Variants in ADAM9 observed in about 807,000 individuals in gnomAD.
ADAM9 encodes the protein disintegrin and metalloproteinase domain-containing protein 9.
A neutral mutation model predicts 108.1 loss-of-function variants in ADAM9; 54 were observed. The ratio of observed to expected loss-of-function variants is 0.50; its 90% CI spans 0.40 to 0.63. The LOEUF is 0.63. Ranked by LOEUF, ADAM9 falls within the 20% of genes least tolerant of loss-of-function variation. The probability of loss-of-function intolerance (pLI) is 0.00; values close to 1 mark genes in which losing one functional copy is unlikely to be tolerated. For missense variants in ADAM9, 830 were observed against 997.7 expected (o/e 0.83, Z 2.26); for synonymous variants, 316 against 336.0 (o/e 0.94, Z 0.65).
intron 12 of ADAM9, among the ~76,000 whole-genome samples, chr8:39,052,161 G>A (rs765281800): frequency 9.9e-5 from 15 of 152,078 alleles, no homozygotes; most frequent in Non-Finnish European, 1.9e-4. Context: ...ACCAGCACAG[G>A]ATAATATGTT....
At chr8:39,031,229 T>C (rs927682502) in intron 11 of ADAM9, among the ~76,000 whole-genome samples, 1 of 152,260 alleles carries the variant, frequency 6.6e-6, no homozygotes, top group African/African-American at 2.4e-5. Flanking sequence ...TGGAGTTAAT[T>C]GTGGAGGATG....
chr8:39,064,677 T>C (rs931725107), intron 14 of ADAM9, among the ~76,000 whole-genome samples: 1 of 152,252 alleles, frequency 6.6e-6, no homozygotes, highest in Non-Finnish European at 1.5e-5. Flanking sequence ...GCATTTCCCA[T>C]ATTACCTTCT....
At chr8:39,035,017 G>T (rs1291458229) in intron 11 of ADAM9, among the ~76,000 whole-genome samples, 2 of 152,148 alleles carry the variant, frequency 1.3e-5, no homozygotes, top group African/African-American at 4.8e-5. Context: ...CATATTGCCT[G>T]TGTACACAGG....
In ADAM9 at chr8:39,104,323, T is replaced by C. The variant is rs993166563; in HGVS notation, c.*623T>C. 9 of 452,334 alleles carry C rather than the reference T, an allele frequency of 2.0e-5. No individual in the cohort carries two copies. The highest frequency in any genetic ancestry group is 6.8e-4 in the Middle Eastern group (1 of 1,462). The allele number at this position is 452,334 out of a possible 1,614,324, so 28.0% of individuals were successfully genotyped here. A position where few individuals can be genotyped will look rare whatever the true frequency, so the allele number is the denominator to read the frequency against. On this transcript the variant is annotated 3_prime_UTR_variant, in exon 22 of 22. Transcript: ENST00000487273. ...AAAATATACTAAAAGAGTGTGTGTG[T>C]ATTCACGCAGTTACTCGCTTCCATT...
intron 9 of ADAM9, among the ~76,000 whole-genome samples, chr8:39,023,664 T>G (rs1836820811): frequency 6.6e-6 from 1 of 151,816 alleles, no homozygotes; most frequent in Non-Finnish European, 1.5e-5. Flanking sequence ...AAAAATTATC[T>G]CAATTTGAGT....
Position 39,045,351 on chromosome 8 carries a change from TACATACATATA to T in ADAM9, c.1302+3235_1302+3245del, listed in dbSNP as rs1564300567. ...GTGTGTGTACACCTATACATGTGTGTACATACATATAGGTGTGTGTACATACACCTATAGGT... is the reference window on the plus strand; with the variant it reads ...GTGTGTGTACACCTATACATGTGTGTGGTGTGTGTACATACACCTATAGGT... On this transcript the variant is annotated intron_variant, in intron 12 of 21. Coordinates refer to ENST00000487273, the MANE Select transcript of ADAM9 (RefSeq NM_003816.3). Among the ~76,000 whole-genome samples the T allele has an allele frequency of 4.2e-3, 511 of 121,208 alleles. 27 individuals carry two copies. Among genetic ancestry groups the T allele is most frequent in the Non-Finnish European group, 6.1e-3 (352 of 57,570 alleles). The allele number at this position is 121,208 out of a possible 152,430, so 79.5% of individuals were successfully genotyped here. A position where few individuals can be genotyped will look rare whatever the true frequency, so the allele number is the denominator to read the frequency against.
chr8:39,031,688 G>A (rs566950853), intron 11 of ADAM9, among the ~76,000 whole-genome samples: 32 of 152,270 alleles, frequency 2.1e-4, no homozygotes, highest in African/African-American at 7.2e-4. Flanking sequence ...GCTTTGTTCC[G>A]TTGCTGGCGA....
intron 14 of ADAM9, among the ~76,000 whole-genome samples, chr8:39,070,740 A>G (rs1010071984): frequency 2.0e-5 from 3 of 151,606 alleles, no homozygotes; most frequent in Non-Finnish European, 4.4e-5. Context: ...CCTGGGTGAC[A>G]GAGTGAGATC....
At chr8:39,029,119 A>C (rs1837018892) in intron 11 of ADAM9, among the ~76,000 whole-genome samples, 2 of 139,472 alleles carry the variant, frequency 1.4e-5, no homozygotes, top group Non-Finnish European at 3.0e-5. Flanking sequence ...GAGCCAAAAA[A>C]GTGTTGTTGT....
At chr8:39,099,153 C>A (rs1025044193) in intron 20 of ADAM9, among the ~76,000 whole-genome samples, 1 of 152,068 alleles carries the variant, frequency 6.6e-6, no homozygotes, top group Non-Finnish European at 1.5e-5. Flanking sequence ...GGATACCACC[C>A]TTCATATGTC....
chr8:39,017,843 T>C (rs1227800960), intron 6 of ADAM9, among the ~76,000 whole-genome samples: 1 of 152,216 alleles, frequency 6.6e-6, no homozygotes, highest in Non-Finnish European at 1.5e-5. Flanking sequence ...TCCTCCTGCC[T>C]CAGCTTCCCA....
In ADAM9 at chr8:39,088,938, AT is replaced by A. The variant is rs776527318; in HGVS notation, c.2069-1108del. On this transcript the variant is annotated intron_variant, in intron 18 of 21. Transcript: ENST00000487273. ...CAGTCAAAGGACTGAGCAGAAAAAA[AT>A]AAATAATGTTTCCTTAAGAAAAAAG... is the stretch of plus-strand genomic sequence containing the variant. 3.1e-4 allele frequency among the ~76,000 whole-genome samples: 47 copies of A among 152,290 alleles called. No individual in the cohort carries two copies. In the Middle Eastern group the frequency reaches 0.017, roughly 55 times the overall value.
chr8:39,031,144 G>T (rs1380545689), intron 11 of ADAM9, among the ~76,000 whole-genome samples: 1 of 152,156 alleles, frequency 6.6e-6, no homozygotes, highest in Non-Finnish European at 1.5e-5. Context: ...TATCCAAGAT[G>T]ATCTAGGTTT....
At chr8:39,039,157 C>T (rs1284500516) in intron 11 of ADAM9, among the ~76,000 whole-genome samples, 2 of 152,186 alleles carry the variant, frequency 1.3e-5, no homozygotes, top group Non-Finnish European at 2.9e-5. Flanking sequence ...ATAGATAGGG[C>T]TGCTTCTTCA....
chr8:38,998,934 A>T (rs1028985924), intron 1 of ADAM9, among the ~76,000 whole-genome samples: 1 of 152,166 alleles, frequency 6.6e-6, no homozygotes, highest in Non-Finnish European at 1.5e-5. Context: ...ACCCCGTAGG[A>T]AGTTCTTTGG....
At chr8:39,016,330 C>A in intron 5 of ADAM9, 136 bp downstream of exon 5, 1 of 771,450 alleles carries the variant, frequency 1.3e-6, no homozygotes, top group Non-Finnish European at 2.3e-6. Context: ...AACATTTTTA[C>A]AGCTGTGTTT....
chr8:39,064,963 A>G (rs1035995735), intron 14 of ADAM9, among the ~76,000 whole-genome samples: 1 of 152,178 alleles, frequency 6.6e-6, no homozygotes, highest in Admixed American at 6.5e-5. Context: ...AGCTTGGAGA[A>G]TGACCTCTTC....
rs1481801058 is a variant in ADAM9 at position 39,056,246 on chromosome 8, A to T, written c.1591+474A>T. On this transcript the variant is annotated intron_variant, in intron 14 of 21. Transcript: ENST00000487273. ...CTTTTAAAAGTTCTTATTTTTATCA[A>T]GGGCATACATATAAAGAGCCAAATT... Among the ~76,000 whole-genome samples the T allele has an allele frequency of 3.3e-5, 5 of 152,154 alleles. No individual in the cohort carries two copies. In the East Asian group the frequency reaches 9.6e-4, roughly 29 times the overall value.
At chr8:39,088,972 A>C (rs1158416190) in intron 18 of ADAM9, among the ~76,000 whole-genome samples, 1 of 152,198 alleles carries the variant, frequency 6.6e-6, no homozygotes, top group Non-Finnish European at 1.5e-5. Context: ...AAGTGAGGCC[A>C]GGCACGGTGG....
Sources: gnomAD v4.1 joint callset for allele counts (sites outside exome capture counted in the v4.1 genomes callset) on GRCh38, gnomAD v4.1.1 for gene constraint, MANE v1.5 for transcripts, NCBI Gene and HGNC (gene_info 2026-07-23, HGNC 2026-07-21) for gene names.